GLDC: variants seen among roughly 807,000 people sequenced by gnomAD.
GLDC encodes glycine decarboxylase.
GLDC carries 104 observed loss-of-function variants against 121.3 expected under a neutral mutation model. The ratio of observed to expected loss-of-function variants is 0.86; its 90% CI spans 0.73 to 1.01. The LOEUF is 1.01. GLDC is among the 50% of genes least tolerant of loss of function. The pLI is 0.00. For synonymous variants in GLDC, 546 were observed against 480.6 expected (o/e 1.14, Z -1.78); for missense variants, 1,429 against 1,306.6 (o/e 1.09, Z -1.44).
chr9:6,565,458 G>C, intron 15 of GLDC, 29 bp from the exon 16 acceptor site: 1 of 1,545,714 alleles, frequency 6.5e-7, no homozygotes, highest in Non-Finnish European at 8.9e-7. Flanking sequence ...AAGGGATCAC[G>C]GTTAGGTCTT....
Position 6,565,388 on chromosome 9 carries a change from G to A in GLDC, c.1892C>T (p.Ala631Val), listed in dbSNP as rs1422219374. The change falls in exon 16 of 25, where the codon GCC becomes GTC. Residue 631 changes from alanine (A) to valine (V), a missense_variant. Coordinates refer to ENST00000321612, the MANE Select transcript of GLDC (RefSeq NM_000170.3). ...GEYAGLATIR[A>V]YLNQKGEGHR... ...CCCCTCTCCTTTCTGGTTTAAGTAG[G>A]CTCGGATAGTGGCCAGTCCAGCATA... The A allele has an allele frequency of 6.2e-7, 1 of 1,613,890 alleles. No individual in the cohort carries two copies. Among genetic ancestry groups the A allele is most frequent in the Non-Finnish European group, 8.5e-7 (1 of 1,179,796 alleles).
chr9:6,584,686 A>C (rs1818233319), intron 15 of GLDC, among the ~76,000 whole-genome samples: 1 of 152,234 alleles, frequency 6.6e-6, no homozygotes, highest in South Asian at 2.1e-4. Context: ...CATCTGTCAC[A>C]GCAGCTTCTG....
chr9:6,569,704 A>T (rs1362489516), intron 15 of GLDC, among the ~76,000 whole-genome samples: 3 of 151,166 alleles, frequency 2.0e-5, no homozygotes, highest in Non-Finnish European at 4.4e-5. Context: ...ACAGTGCCTC[A>T]TGCCTGCATG....
chr9:6,599,184 CAAA>C (rs1312853704), intron 8 of GLDC, among the ~76,000 whole-genome samples: 2 of 115,938 alleles, frequency 1.7e-5, no homozygotes. Flanking sequence ...GACTCCGTCT[CAAA>C]AAAAAAAAAA....
At chr9:6,644,029 CAAAAA>C (rs531081758) in intron 2 of GLDC, among the ~76,000 whole-genome samples, 17 of 18,336 alleles carry the variant, frequency 9.3e-4, no homozygotes, top group Middle Eastern at 0.033. Context: ...GATTCTGTCT[CAAAAA>C]AAAAAAAAAA....
At chr9:6,539,588 A>T (rs145520610) in intron 22 of GLDC, among the ~76,000 whole-genome samples, 2 of 152,178 alleles carry the variant, frequency 1.3e-5, no homozygotes, top group South Asian at 4.1e-4. Context: ...TGCACAGGTA[A>T]AGTGTCCGTG....
At chr9:6,535,856 T>G in intron 23 of GLDC, 1 of 599,848 alleles carries the variant, frequency 1.7e-6, no homozygotes, top group Non-Finnish European at 3.0e-6. Flanking sequence ...TGTGGACAGC[T>G]TCCACAACCA....
At position 6,625,763 on chromosome 9, in the gene GLDC, T is replaced by A. The variant is rs527553073; in HGVS notation, c.335-5444A>T. On this transcript the variant is annotated intron_variant, in intron 2 of 24. Transcript: ENST00000321612. ...CCTATGATAGTAGCCCTAGCTGTTA[T>A]GTTCATTCCCACTGATAGGAAAGGT... 1.1e-4 allele frequency among the ~76,000 whole-genome samples: 16 copies of A among 152,152 alleles called. 1 individual carries two copies. Among genetic ancestry groups the A allele is most frequent in the African/African-American group, 3.9e-4 (16 of 41,420 alleles).
At chr9:6,634,203 G>A (rs978841463) in intron 2 of GLDC, among the ~76,000 whole-genome samples, 1 of 151,844 alleles carries the variant, frequency 6.6e-6, no homozygotes, top group Admixed American at 6.6e-5. Flanking sequence ...CTCCAGCCTG[G>A]GCAACAGAGT....
At chr9:6,614,553 CTTT>C (rs58682628) in intron 3 of GLDC, among the ~76,000 whole-genome samples, 58 of 139,312 alleles carry the variant, frequency 4.2e-4, no homozygotes, top group African/African-American at 1.3e-3. Context: ...GGGTTTCAAT[CTTT>C]TTTTTTTTTT....
chr9:6,533,265 C>T (rs1817039503), intron 24 of GLDC, 105 bp from the exon 25 acceptor site: 1 of 951,072 alleles, frequency 1.1e-6, no homozygotes, highest in African/African-American at 1.6e-5. Flanking sequence ...ACCATCAGCC[C>T]AGCAAATATT....
Position 6,592,956 on chromosome 9 carries a change from G to C in GLDC, c.1296C>G (p.Asp432Glu). Residue 432 changes from aspartate (D) to glutamate (E), a missense_variant, in exon 10 of 25, where the codon GAC becomes GAG. Asp to Glu is a conservative substitution (Grantham distance 45). Coordinates refer to ENST00000321612, the MANE Select transcript of GLDC (RefSeq NM_000170.3). ...LKRAGHQLQH[D>E]LFFDTLKIQC... ...GAATCTTCAAGGTATCAAAGAACAG[G>C]TCATGCTGGAGTTGATGCCCTGCTC... 1.2e-6 allele frequency: 2 copies of C among 1,614,084 alleles called. No homozygotes were observed. Among genetic ancestry groups the C allele is most frequent in the African/African-American group, 1.3e-5 (1 of 75,040 alleles).
At chr9:6,643,578 C>A (rs13300114) in intron 2 of GLDC, among the ~76,000 whole-genome samples, 1 of 151,508 alleles carries the variant, frequency 6.6e-6, no homozygotes, top group Middle Eastern at 3.4e-3. Flanking sequence ...TATGGATTGT[C>A]CCCCCACCCC....
At chr9:6,579,505 T>A (rs1190663638) in intron 15 of GLDC, among the ~76,000 whole-genome samples, 1 of 148,536 alleles carries the variant, frequency 6.7e-6, no homozygotes, top group African/African-American at 2.5e-5. Flanking sequence ...GAGTATCCCA[T>A]CCTGATTATT....
At chr9:6,633,700 C>T (rs575253206) in intron 2 of GLDC, among the ~76,000 whole-genome samples, 1 of 152,114 alleles carries the variant, frequency 6.6e-6, no homozygotes, top group East Asian at 1.9e-4. Flanking sequence ...GAGGGTGGAT[C>T]ACCTGAGGTC....
At chr9:6,548,253 T>G (rs1339795147) in intron 21 of GLDC, among the ~76,000 whole-genome samples, 1 of 152,244 alleles carries the variant, frequency 6.6e-6, no homozygotes, top group Non-Finnish European at 1.5e-5. Flanking sequence ...CATGCTTTAT[T>G]ATTTTCCAAA....
In GLDC at chr9:6,604,576, G is replaced by A. The variant is rs1043292818; in HGVS notation, c.1058+12C>T. ...AATCACAATAAAAGTAGAGAAACAT[G>A]AGCCCCTTTACCTTGTTACCCCCAC... On this transcript the variant is annotated intron_variant, in intron 7 of 24. Transcript: ENST00000321612. The A allele has an allele frequency of 1.2e-6, 2 of 1,601,986 alleles. No homozygotes were observed. The highest frequency in any genetic ancestry group is 1.1e-5 in the South Asian group (1 of 90,746).
At chr9:6,594,934 T>A in intron 9 of GLDC, 80 bp downstream of exon 9, 1 of 853,738 alleles carries the variant, frequency 1.2e-6, no homozygotes, top group Non-Finnish European at 2.0e-6. Flanking sequence ...CATATAGTAT[T>A]GGACATGCAA....
intron 4 of GLDC, 96 bp downstream of exon 4, chr9:6,610,096 T>C: frequency 1.0e-6 from 1 of 954,396 alleles, no homozygotes; most frequent in Admixed American, 2.1e-5. Flanking sequence ...TCTAGAAAGC[T>C]GACTAAAGTA....
Sources: allele counts gnomAD v4.1 joint callset (sites outside exome capture counted in the v4.1 genomes callset), GRCh38; gene constraint gnomAD v4.1.1; transcripts MANE v1.5; gene names NCBI Gene and HGNC (gene_info 2026-07-23, HGNC 2026-07-21).